The following SUN1 variants were observed in gnomAD, a reference collection of about 807,000 sequenced individuals.
The protein encoded by SUN1 is Sad1 and UNC84 domain containing 1, also known as SUN domain-containing protein 1.
SUN1 carries 61 observed loss-of-function variants against 103.2 expected under a neutral mutation model. The observed-to-expected ratio is 0.59, with a 90% confidence interval of 0.48 to 0.73. The LOEUF is 0.73. Ranked by LOEUF, SUN1 falls within the 30% of genes least tolerant of loss-of-function variation. The pLI is 0.00. For synonymous variants in SUN1, 490 were observed against 425.7 expected (o/e 1.15, Z -1.86); for missense variants, 1,052 against 1,034.6 (o/e 1.02, Z -0.23).
At chr7:838,374 C>G (rs973786420) in intron 1 of SUN1, among the ~76,000 whole-genome samples, 1 of 152,238 alleles carries the variant, frequency 6.6e-6, no homozygotes, top group African/African-American at 2.4e-5. Flanking sequence ...ATCACTTGGC[C>G]TCCTCTCCTG....
intron 1 of SUN1, chr7:817,446 CTG>C: frequency 6.5e-7 from 1 of 1,536,148 alleles, no homozygotes; most frequent in Non-Finnish European, 8.7e-7. Context: ...CACCTTGCCA[CTG>C]TCACCGTCAT....
At chr7:848,395 G>A (rs866183226) in intron 5 of SUN1, 4 of 1,343,424 alleles carry the variant, frequency 3.0e-6, no homozygotes, top group East Asian at 4.6e-5. Context: ...AAGAAATAAC[G>A]CATGTTCATG....
chr7:818,972 T>C (rs1371716640), intron 1 of SUN1, among the ~76,000 whole-genome samples: 1 of 151,520 alleles, frequency 6.6e-6, no homozygotes, highest in Non-Finnish European at 1.5e-5. Context: ...CAAGCGATTC[T>C]CCTGCCTCAG....
chr7:860,486 G>T (rs1452835272), intron 14 of SUN1, 104 bp downstream of exon 14: 4 of 1,536,692 alleles, frequency 2.6e-6, no homozygotes. Context: ...TTTAAGAGTG[G>T]TCTGGCTGGG....
chr7:817,151 G>C (rs1033383688), intron 1 of SUN1: 5 of 450,232 alleles, frequency 1.1e-5, no homozygotes, highest in Admixed American at 7.8e-5. Context: ...TAAGAGGGGG[G>C]GTCTCGCTGT....
At position 835,255 on chromosome 7, in the gene SUN1, GCC is replaced by G. The variant is rs1246100243; in HGVS notation, c.77+2656_77+2657del. On this transcript the variant is annotated intron_variant, in intron 1 of 18. Coordinates refer to ENST00000401592, the MANE Select transcript of SUN1 (RefSeq NM_001130965.3). ...GGTGCTTCAGTTCACGGGTTCCCCAGCCCGCTGTCCTGCACCAGTGGCCTGGC... is the reference window on the plus strand; with the variant it reads ...GGTGCTTCAGTTCACGGGTTCCCCAGCGCTGTCCTGCACCAGTGGCCTGGC... Among the ~76,000 whole-genome samples the G allele has an allele frequency of 3.6e-3, 550 of 152,370 alleles. 3 individuals carry two copies. The highest frequency in any genetic ancestry group is 0.012 in the African/African-American group (505 of 41,594).
intron 1 of SUN1, among the ~76,000 whole-genome samples, chr7:819,590 G>C (rs745439434): frequency 1.1e-4 from 17 of 152,002 alleles, no homozygotes; most frequent in Non-Finnish European, 1.3e-4. Context: ...TGACAAGACT[G>C]CTTTTTCCCT....
At chr7:838,757 C>CT in intron 1 of SUN1, 41 bp from the exon 2 acceptor site, 1 of 1,474,192 alleles carries the variant, frequency 6.8e-7, no homozygotes, top group Non-Finnish European at 9.1e-7. Flanking sequence ...AGAATGGGGG[C>CT]TATAAGCACT....
At chr7:839,316 C>T in intron 2 of SUN1, 1 of 271,380 alleles carries the variant, frequency 3.7e-6, no homozygotes, top group Admixed American at 5.3e-5. Context: ...CTACAGCTGT[C>T]CTACCACATG....
chr7:854,533 C>T (rs1022446085), intron 10 of SUN1, among the ~76,000 whole-genome samples: 16 of 152,218 alleles, frequency 1.1e-4, no homozygotes, highest in African/African-American at 3.9e-4. Flanking sequence ...CCACGATGGC[C>T]CGAGGGGCGC....
At chr7:839,664 T>C (rs11760327) in intron 2 of SUN1, among the ~76,000 whole-genome samples, 31,284 of 111,750 alleles carry the variant, frequency 0.28, 11,257 homozygotes, top group South Asian at 0.44. Context: ...GAGATTCTCC[T>C]GCCTCAGCCT....
chr7:841,809 C>T (rs1810258926), intron 2 of SUN1, 137 bp from the exon 3 acceptor site: 18 of 850,078 alleles, frequency 2.1e-5, no homozygotes, highest in Non-Finnish European at 3.2e-5. Flanking sequence ...TGATTCATTA[C>T]AGCAGAAAAG....
At chr7:827,660 G>A (rs572055628), upstream of SUN1, among the ~76,000 whole-genome samples, 56 of 151,762 alleles carry the variant, frequency 3.7e-4, no homozygotes, top group Non-Finnish European at 7.4e-4. Context: ...TAGTAGAGAT[G>A]GGGTTTCACC....
rs755651151 is a variant in SUN1 at position 860,401 on chromosome 7, G to A, written c.1779+19G>A. 10 of 1,608,528 alleles carry A rather than the reference G, an allele frequency of 6.2e-6. No individual in the cohort carries two copies. The highest frequency in any genetic ancestry group is 2.7e-5 in the African/African-American group (2 of 74,812). On this transcript the variant is annotated intron_variant, in intron 14 of 18. Transcript: ENST00000401592. ...AGAGGCGGTGAGTCGGCGAGTCGGC[G>A]GCAAGAGATGCTTACAGTCCATTCT...
chr7:819,406 G>A (rs1171546225), intron 1 of SUN1, among the ~76,000 whole-genome samples: 1 of 152,036 alleles, frequency 6.6e-6, no homozygotes, highest in Admixed American at 6.6e-5. Flanking sequence ...TCATACCTAA[G>A]AACTCTGCAA....
intron 1 of SUN1, among the ~76,000 whole-genome samples, chr7:835,167 G>A (rs1429388435): frequency 6.6e-6 from 1 of 152,248 alleles, no homozygotes; most frequent in Non-Finnish European, 1.5e-5. Context: ...GCCGGCCACT[G>A]GCTTCGCCAG....
chr7:816,320 G>T (rs1347009329), upstream of SUN1: 3 of 193,818 alleles, frequency 1.5e-5, no homozygotes, highest in Admixed American at 7.7e-5. Context: ...TAAATGCGGA[G>T]CCCTCCCTCA....
rs1811848778 is a variant in SUN1, at chr7:843,190, G to T, written c.452-16G>T. The T allele has an allele frequency of 2.6e-6, 4 of 1,558,052 alleles. No individual in the cohort carries two copies. The South Asian group carries it at 3.5e-5, about 13-fold the overall frequency. Reference sequence around the variant, plus strand: ...CAACAGCAAAAATGTGTGTGTGTGTGTGTTTTTTTTTTTAGGTCTTGATGA... The same window carrying T: ...CAACAGCAAAAATGTGTGTGTGTGTTTGTTTTTTTTTTTAGGTCTTGATGA... On this transcript the variant is annotated splice_polypyrimidine_tract_variant and intron_variant, in intron 3 of 18. Transcript: ENST00000401592.
intron 1 of SUN1, among the ~76,000 whole-genome samples, chr7:833,773 A>C (rs1228533233): frequency 6.6e-6 from 1 of 152,114 alleles, no homozygotes; most frequent in African/African-American, 2.4e-5. Context: ...ATAGCAACAC[A>C]CTCTGTTTTC....
Sources: gnomAD v4.1 joint callset for allele counts (sites outside exome capture counted in the v4.1 genomes callset) on GRCh38, gnomAD v4.1.1 for gene constraint, MANE v1.5 for transcripts, NCBI Gene and HGNC (gene_info 2026-07-23, HGNC 2026-07-21) for gene names.